The following CD302 variants were observed in gnomAD, a reference collection of about 807,000 sequenced individuals.
CD302 encodes CD302 molecule, also known as CD302 antigen.
A neutral mutation model predicts 26.5 loss-of-function variants in CD302; 23 were observed. That is an observed-to-expected ratio of 0.87 (90% CI 0.62 to 1.23). The LOEUF (loss-of-function observed/expected upper bound fraction) is 1.23. CD302 is among the 50% of genes most tolerant of loss of function. CD302 has a pLI of 0.00. For synonymous variants in CD302, 90 were observed against 99.4 expected, an observed-to-expected ratio of 0.91 and a Z score of 0.56; for missense variants, 290 against 275.5, an observed-to-expected ratio of 1.05 and a Z score of -0.37.
In CD302 at chr2:159,780,047, A is replaced by T; in HGVS notation, c.427T>A (p.Cys143Ser). Residue 143 changes from cysteine (C) to serine (S), a missense_variant, in exon 4 of 6, where the codon TGT (cysteine) becomes AGT (serine). By Grantham distance (112) the Cys-to-Ser change is moderately radical. Coordinates refer to ENST00000259053, the MANE Select transcript of CD302 (RefSeq NM_014880.5). Reference sequence around the variant, plus strand: ...GTTCCTTCCACAGAAGAAACTTCACAATTTCCTTTTTTCCATTCACCTGTC... The same window carrying T: ...GTTCCTTCCACAGAAGAAACTTCACTATTTCCTTTTTTCCATTCACCTGTC... ...IKTGEWKKGN[C>S]EVSSVEGTLC... 1 of 1,614,112 alleles carries T rather than the reference A, an allele frequency of 6.2e-7. No individual in the cohort carries two copies. Among genetic ancestry groups the T allele is most frequent in the Non-Finnish European group, 8.5e-7 (1 of 1,179,998 alleles).
chr2:159,777,743 A>G (rs1200902198), intron 5 of CD302, among the ~76,000 whole-genome samples, 195 bp downstream of exon 5: 2 of 152,230 alleles, frequency 1.3e-5, no homozygotes, highest in African/African-American at 4.8e-5. Context: ...AAAAGAAGCC[A>G]GACAAAACTA....
intron 2 of CD302, among the ~76,000 whole-genome samples, chr2:159,782,200 A>G (rs922201957): frequency 3.2e-4 from 48 of 151,894 alleles, no homozygotes; most frequent in Admixed American, 2.6e-4. Context: ...CCTGATCACA[A>G]GGTCAGGAGA....
chr2:159,783,614 A>C, intron 1 of CD302, 145 bp from the exon 2 acceptor site: 1 of 564,824 alleles, frequency 1.8e-6, no homozygotes, highest in Non-Finnish European at 2.9e-6. Context: ...ATAAGAAATC[A>C]ACCAGTGTAA....
At chr2:159,796,795 C>A (rs925802849) in intron 1 of CD302, among the ~76,000 whole-genome samples, 2 of 152,144 alleles carry the variant, frequency 1.3e-5, no homozygotes, top group Non-Finnish European at 2.9e-5. Context: ...AATCTAGAAA[C>A]TGATTTTCTT....
Position 159,780,948 on chromosome 2 carries a change from C to A in CD302, c.229G>T (p.Asp77Tyr). The A allele has an allele frequency of 6.2e-7, 1 of 1,613,580 alleles. No homozygotes were observed. Among genetic ancestry groups the A allele is most frequent in the East Asian group, 2.2e-5 (1 of 44,842 alleles). The change falls in exon 3 of 6, where the codon GAT becomes TAT. Residue 77 changes from aspartate to tyrosine, a missense_variant. Coordinates refer to ENST00000259053, the MANE Select transcript of CD302 (RefSeq NM_014880.5). ...HNEEENAFIL[D>Y]TLKKQWKGPD... ...CCTTTCCATTGCTTTTTCAAAGTAT[C>A]CAGTATAAAAGCATTTTCTTCTTCA... is the stretch of plus-strand genomic sequence containing the variant.
chr2:159,792,355 T>C (rs182182189), intron 1 of CD302, among the ~76,000 whole-genome samples: 13 of 152,234 alleles, frequency 8.5e-5, no homozygotes, highest in Admixed American at 7.9e-4. Flanking sequence ...TCACACTGTC[T>C]TATTTCCATA....
In CD302 at chr2:159,780,989, A is replaced by G. The variant is rs762401482; in HGVS notation, c.188T>C (p.Met63Thr). The change falls in exon 3 of 6, where the codon ATG becomes ACG. Residue 63 changes from methionine (M) to threonine (T), a missense_variant. Coordinates refer to ENST00000259053, the MANE Select transcript of CD302 (RefSeq NM_014880.5). ...TTCTTCTTCATTATGTATGCTTATC[A>G]TGTCCGCTCCTGAAATTATTTTAAA... ...RNQCTDHGAD[M>T]ISIHNEEENA... 3.7e-6 allele frequency: 6 copies of G among 1,605,654 alleles called. No individual in the cohort carries two copies. The Admixed American group carries it at 5.3e-5, about 14-fold the overall frequency.
intron 2 of CD302, 134 bp from the exon 3 acceptor site, chr2:159,781,132 G>A: frequency 1.4e-6 from 1 of 694,576 alleles, no homozygotes; most frequent in Non-Finnish European, 2.3e-6. Flanking sequence ...TGATCTTACA[G>A]TTCATACAAG....
At chr2:159,786,283 C>A (rs946768678) in intron 1 of CD302, among the ~76,000 whole-genome samples, 5 of 151,904 alleles carry the variant, frequency 3.3e-5, no homozygotes, top group Non-Finnish European at 5.9e-5. Flanking sequence ...TCAAACACTC[C>A]CTTTCCCTGT....
At chr2:159,777,670 A>G (rs1396441396) in intron 5 of CD302, among the ~76,000 whole-genome samples, 1 of 151,938 alleles carries the variant, frequency 6.6e-6, no homozygotes, top group East Asian at 2.0e-4. Context: ...GTATTATGAC[A>G]CTTAGGGAAA....
rs151152086 is a variant in CD302 at position 159,770,231 on chromosome 2, T to TATCA, written c.*1616_*1619dup. 534 of 152,320 alleles carry TATCA rather than the reference T, an allele frequency of 3.5e-3. 1 individual carries two copies. Among genetic ancestry groups the TATCA allele is most frequent in the African/African-American group, 0.012 (501 of 41,568 alleles). 9.4% of individuals were successfully genotyped at this position (152,320 alleles called of 1,614,324 possible). A position where few individuals can be genotyped will look rare whatever the true frequency, so the allele number is the denominator to read the frequency against. On this transcript the variant is annotated 3_prime_UTR_variant, in exon 6 of 6. Transcript: ENST00000259053. ...TTCAATATTGACATTAGTAATAGTCTATCAATAATAAAATAGACATCTCAA... is the reference window on the plus strand; with the variant it reads ...TTCAATATTGACATTAGTAATAGTCTATCAATCAATAATAAAATAGACATCTCAA...
intron 1 of CD302, among the ~76,000 whole-genome samples, chr2:159,791,043 CTGA>C (rs1193212259): frequency 1.3e-5 from 2 of 152,160 alleles, no homozygotes; most frequent in African/African-American, 4.8e-5. Flanking sequence ...CTCTAAAACA[CTGA>C]TTAAGGTATA....
intron 1 of CD302, among the ~76,000 whole-genome samples, chr2:159,787,481 A>AT (rs557056095): frequency 2.0e-5 from 3 of 150,878 alleles, no homozygotes; most frequent in South Asian, 2.1e-4. Context: ...ATATTCTTTA[A>AT]TTTTTTTTCT....
intron 1 of CD302, among the ~76,000 whole-genome samples, chr2:159,791,041 C>T (rs945682627): frequency 6.6e-6 from 1 of 152,162 alleles, no homozygotes; most frequent in Non-Finnish European, 1.5e-5. Flanking sequence ...ATCTCTAAAA[C>T]ACTGATTAAG....
chr2:159,778,020 G>T, intron 4 of CD302, 56 bp from the exon 5 acceptor site: 3 of 702,578 alleles, frequency 4.3e-6, no homozygotes, highest in South Asian at 2.2e-5. Context: ...TTATAGGATT[G>T]ACTTTAAACA....
chr2:159,784,242 G>A (rs981239455), intron 1 of CD302, among the ~76,000 whole-genome samples: 2 of 150,552 alleles, frequency 1.3e-5, no homozygotes, highest in Non-Finnish European at 3.0e-5. Flanking sequence ...GAATAAAGAA[G>A]TACAAAGCAG....
rs1472048983 is a variant in CD302 at position 159,769,488 on chromosome 2, C to A, written c.*2363G>T. ...CGAAACCCCGTCTCTACCAAAAATACAAAAAGTTAGCTGGGTGTGGTGACA... is the reference window on the plus strand; with the variant it reads ...CGAAACCCCGTCTCTACCAAAAATAAAAAAAGTTAGCTGGGTGTGGTGACA... On this transcript the variant is annotated 3_prime_UTR_variant, in exon 6 of 6. Transcript: ENST00000259053. 6.6e-6 allele frequency: 1 copy of A among 152,116 alleles called. No homozygotes were observed. The highest frequency in any genetic ancestry group is 2.4e-5 in the African/African-American group (1 of 41,418). 9.4% of individuals were successfully genotyped at this position (152,116 alleles called of 1,614,324 possible).
At chr2:159,777,867 T>G in intron 5 of CD302, 71 bp downstream of exon 5, 1 of 763,630 alleles carries the variant, frequency 1.3e-6, no homozygotes, top group Non-Finnish European at 2.0e-6. Flanking sequence ...ATCTGTAATG[T>G]ATTTTAATAT....
chr2:159,773,369 T>C (rs2125790961), intron 5 of CD302, among the ~76,000 whole-genome samples: 1 of 152,314 alleles, frequency 6.6e-6, no homozygotes, highest in South Asian at 2.1e-4. Flanking sequence ...GAACCTCAAC[T>C]TTACCAGTGT....
Sources: gnomAD v4.1 joint callset for allele counts (sites outside exome capture counted in the v4.1 genomes callset) on GRCh38, gnomAD v4.1.1 for gene constraint, MANE v1.5 for transcripts, NCBI Gene and HGNC (gene_info 2026-07-23, HGNC 2026-07-21) for gene names.